NFS1: variants seen among roughly 807,000 people sequenced by gnomAD.
NFS1 encodes cysteine desulfurase.
A neutral mutation model predicts 57.3 loss-of-function variants in NFS1; 26 were observed. That is an observed-to-expected ratio of 0.45 (90% CI 0.33 to 0.63). NFS1 has a LOEUF of 0.63. Ranked by LOEUF, NFS1 falls within the 20% of genes least tolerant of loss-of-function variation. The pLI, the probability that NFS1 is intolerant of heterozygous loss-of-function variation, is 0.02. For missense variants in NFS1, 505 were observed against 605.8 expected, an observed-to-expected ratio of 0.83 and a Z score of 1.75; for synonymous variants, 209 against 216.3, an observed-to-expected ratio of 0.97 and a Z score of 0.30.
intron 5 of NFS1, among the ~76,000 whole-genome samples, chr20:35,689,929 CA>C (rs779636716): frequency 4.3e-3 from 303 of 70,964 alleles, no homozygotes; most frequent in South Asian, 5.9e-3. Flanking sequence ...GACTCTGCCT[CA>C]AAAAAAAAAA....
intron 10 of NFS1, chr20:35,673,963 G>A (rs2034697935): frequency 4.5e-6 from 2 of 447,022 alleles, no homozygotes; most frequent in Admixed American, 3.6e-5. Context: ...ACAAGAAGAC[G>A]CAGCAGAGGA....
At chr20:35,676,331 T>TA (rs1468256494) in intron 7 of NFS1, 5 of 151,306 alleles carry the variant, frequency 3.3e-5, no homozygotes, top group Admixed American at 2.0e-4. Flanking sequence ...CTCACACCTG[T>TA]AATCCCAGTG....
At chr20:35,671,937 T>C (rs115170910) in intron 12 of NFS1, among the ~76,000 whole-genome samples, 1,543 of 151,244 alleles carry the variant, frequency 0.01, 15 homozygotes, top group African/African-American at 0.035. Flanking sequence ...ATTCATCTAG[T>C]TCTTTAGTTT....
At chr20:35,674,877 G>A in intron 8 of NFS1, 168 bp downstream of exon 8, 1 of 869,354 alleles carries the variant, frequency 1.2e-6, no homozygotes, top group Non-Finnish European at 1.8e-6. Flanking sequence ...GGGTTTTGAA[G>A]CCCATAATGT....
rs1321400831 is a variant in NFS1, at chr20:35,690,442, C to A, written c.532G>T (p.Val178Leu). The change falls in exon 5 of 13, where the codon GTG becomes TTG. Residue 178 changes from valine to leucine, a missense_variant. Physicochemically the swap from Val to Leu is conservative, Grantham distance 32. Transcript: ENST00000374092. ...AEGFQVTYLP[V>L]QKSGIIDLKE... ...AGGTCAATGATCCCACTCTTCTGCA[C>A]TGGGAGGTAGGTGACCTGAAAGCCC... 1 of 1,613,754 alleles carries A rather than the reference C, an allele frequency of 6.2e-7. No homozygotes were observed. Among genetic ancestry groups the A allele is most frequent in the Non-Finnish European group, 8.5e-7 (1 of 1,180,022 alleles).
chr20:35,671,707 T>G (rs1026243993), intron 12 of NFS1, among the ~76,000 whole-genome samples: 1 of 151,942 alleles, frequency 6.6e-6, no homozygotes, highest in Non-Finnish European at 1.5e-5. Context: ...CTGGGCAACA[T>G]AGCAAAACTC....
chr20:35,675,173 GC>G lies in NFS1; in HGVS notation c.819del (p.Arg275ValfsTer26), dbSNP rs1325443824. 5.0e-6 allele frequency: 8 copies of G among 1,613,602 alleles called. No individual in the cohort carries two copies. Among genetic ancestry groups the G allele is most frequent in the Non-Finnish European group, 6.8e-6 (8 of 1,179,914 alleles). ...TGCAGGGCCTCCACACGCACACGGG[GC>G]CGGCGACGGATGTAGATGGCACCAA... The part of the protein sequence containing the change: ...KGVGAIYIRR[R>X]PRVRVEALQS... On this transcript the variant is annotated frameshift_variant, in exon 8 of 13. Transcript: ENST00000374092. LOFTEE classifies it high-confidence loss of function.
chr20:35,670,802 G>C (rs73616692), intron 12 of NFS1, among the ~76,000 whole-genome samples: 1 of 152,182 alleles, frequency 6.6e-6, no homozygotes. Context: ...TGAGGACAAA[G>C]GAAGGGTCCT....
intron 7 of NFS1, among the ~76,000 whole-genome samples, chr20:35,679,270 G>A (rs567373430): frequency 2.0e-5 from 3 of 151,014 alleles, no homozygotes; most frequent in African/African-American, 7.3e-5. Context: ...TGCAACCTCT[G>A]GCTCCTGGGT....
Position 35,669,400 on chromosome 20 carries a change from C to T in NFS1, c.*222G>A, listed in dbSNP as rs2034615823. ...TGGCTTCGGGATGAAAATGTCCACA[C>T]ACTTTAAGACCCGAGAAGAAATGGG... On this transcript the variant is annotated 3_prime_UTR_variant, in exon 13 of 13. Transcript: ENST00000374092. The T allele has an allele frequency of 1.4e-5, 7 of 484,080 alleles. No individual in the cohort carries two copies. The highest frequency in any genetic ancestry group is 1.9e-5 in the African/African-American group (1 of 51,480). The allele number at this position is 484,080 out of a possible 1,614,324, so 30.0% of individuals were successfully genotyped here. A position where few individuals can be genotyped will look rare whatever the true frequency, so the allele number is the denominator to read the frequency against.
chr20:35,694,273 T>C (rs1239709314), intron 4 of NFS1, among the ~76,000 whole-genome samples: 1 of 151,846 alleles, frequency 6.6e-6, no homozygotes, highest in African/African-American at 2.4e-5. Flanking sequence ...GCCTTCCAAG[T>C]AGCTAGGACT....
chr20:35,687,563 T>A (rs564991546), intron 5 of NFS1, among the ~76,000 whole-genome samples: 3 of 152,266 alleles, frequency 2.0e-5, no homozygotes, highest in African/African-American at 7.2e-5. Flanking sequence ...CCAATAAATA[T>A]CAGCGCAGGC....
Position 35,674,424 on chromosome 20 carries a change from G to C in NFS1, c.1062C>G (p.Ile354Met). 1 of 1,614,072 alleles carries C rather than the reference G, an allele frequency of 6.2e-7. No individual in the cohort carries two copies. Among genetic ancestry groups the C allele is most frequent in the Non-Finnish European group, 8.5e-7 (1 of 1,179,962 alleles). The change falls in exon 10 of 13, where the codon ATC (isoleucine) becomes ATG (methionine). Residue 354 changes from isoleucine (I) to methionine (M), a missense_variant. Ile to Met is a conservative substitution (Grantham distance 10). Coordinates refer to ENST00000374092, the MANE Select transcript of NFS1 (RefSeq NM_021100.5). ...CTTCCACATATGCAAAGGAGAGGTT[G>C]ATACAGCCTGGAGGAAAGAAATACT... ...GDPKHHYPGC[I>M]NLSFAYVEGE...
In NFS1 at chr20:35,680,952, T is replaced by TCCA. The variant is rs3056722; in HGVS notation, c.656-84_656-82dup. 220,858 of 1,160,942 alleles carry TCCA rather than the reference T, an allele frequency of 0.19. 24,916 individuals carry two copies. The highest frequency in any genetic ancestry group is 0.43 in the African/African-American group (26,682 of 62,476). The allele number at this position is 1,160,942 out of a possible 1,614,324, so 71.9% of individuals were successfully genotyped here. On this transcript the variant is annotated intron_variant, in intron 6 of 12. Transcript: ENST00000374092. ...GTCCCACAGTGCACTGTGAATTATC[T>TCCA]CCAATAGTAAATGACCTGTAAATAT...
In NFS1 at chr20:35,691,490, G is replaced by A. The variant is rs184774784; in HGVS notation, c.409-925C>T. Reference sequence around the variant, plus strand: ...GTGCAGTGCCTCACGACTGTAATCCGAGCACTTTGGGAGGCCGAGGCAGGT... The same window carrying A: ...GTGCAGTGCCTCACGACTGTAATCCAAGCACTTTGGGAGGCCGAGGCAGGT... On this transcript the variant is annotated intron_variant, in intron 4 of 12. Coordinates refer to ENST00000374092, the MANE Select transcript of NFS1 (RefSeq NM_021100.5). Among the ~76,000 whole-genome samples, 21 of 149,878 alleles carry A rather than the reference G, an allele frequency of 1.4e-4. No individual in the cohort carries two copies. The East Asian group carries it at 3.7e-3, about 27-fold the overall frequency.
At position 35,668,092 on chromosome 20, in the gene NFS1, A is replaced by C. The variant is rs1027897580; in HGVS notation, c.*1530T>G. 2.6e-5 allele frequency: 4 copies of C among 152,186 alleles called. No homozygotes were observed. Among genetic ancestry groups the C allele is most frequent in the African/African-American group, 9.7e-5 (4 of 41,438 alleles). The allele number at this position is 152,186 out of a possible 1,614,324, so 9.4% of individuals were successfully genotyped here. On this transcript the variant is annotated 3_prime_UTR_variant, in exon 13 of 13. Coordinates refer to ENST00000374092, the MANE Select transcript of NFS1 (RefSeq NM_021100.5). Reference sequence around the variant, plus strand: ...CTTTTTAATTAGAGGAAAACTGGTAATAGATCTACAACTCTACTATCTTTG... The same window carrying C: ...CTTTTTAATTAGAGGAAAACTGGTACTAGATCTACAACTCTACTATCTTTG...
chr20:35,684,685 G>A (rs1012664606), intron 5 of NFS1, among the ~76,000 whole-genome samples: 1 of 151,274 alleles, frequency 6.6e-6, no homozygotes, highest in Non-Finnish European at 1.5e-5. Flanking sequence ...AGGTGGCAGA[G>A]GTTGCAATGA....
chr20:35,691,254 G>C (rs1156944344), intron 4 of NFS1, among the ~76,000 whole-genome samples: 3 of 152,104 alleles, frequency 2.0e-5, no homozygotes, highest in African/African-American at 4.8e-5. Flanking sequence ...TGGAATTTAT[G>C]ATTCATTCAT....
chr20:35,698,660 C>A (rs2035185622), intron 1 of NFS1, 70 bp from the exon 2 acceptor site: 1 of 1,503,656 alleles, frequency 6.7e-7, no homozygotes, highest in Non-Finnish European at 8.9e-7. Context: ...ATCCAAAGGG[C>A]AGAAGGAAAA....
Sources: allele counts gnomAD v4.1 joint callset (sites outside exome capture counted in the v4.1 genomes callset), GRCh38; gene constraint gnomAD v4.1.1; transcripts MANE v1.5; gene names NCBI Gene and HGNC (gene_info 2026-07-23, HGNC 2026-07-21).